ELOVL7: variants seen among roughly 807,000 people sequenced by gnomAD.
The protein encoded by ELOVL7 is ELOVL fatty acid elongase 7.
A neutral mutation model predicts 35.7 loss-of-function variants in ELOVL7; 27 were observed. The observed-to-expected ratio is 0.76, with a 90% CI of 0.56 to 1.04. The LOEUF (loss-of-function observed/expected upper bound fraction) is 1.04. ELOVL7 is among the 50% of genes least tolerant of loss of function. ELOVL7 has a pLI of 0.00. For missense variants in ELOVL7, 327 were observed against 340.8 expected (o/e 0.96, Z 0.32); for synonymous variants, 113 against 114.6 (o/e 0.99, Z 0.09).
At chr5:60,756,287 A>T (rs1741536610) in intron 8 of ELOVL7, among the ~76,000 whole-genome samples, 1 of 152,186 alleles carries the variant, frequency 6.6e-6, no homozygotes, top group Admixed American at 6.5e-5. Context: ...CTATACAAAA[A>T]ATGTAAAAGG....
intron 3 of ELOVL7, among the ~76,000 whole-genome samples, chr5:60,777,653 G>A (rs749723089): frequency 2.6e-5 from 4 of 152,180 alleles, no homozygotes; most frequent in African/African-American, 9.7e-5. Context: ...ATTGGCTTAG[G>A]CTAAGTGGGT....
At chr5:60,819,340 G>A (rs1425709056) in intron 1 of ELOVL7, among the ~76,000 whole-genome samples, 2 of 152,030 alleles carry the variant, frequency 1.3e-5, no homozygotes, top group African/African-American at 4.8e-5. Flanking sequence ...TGGATGAGAT[G>A]GACAATGTAC....
At chr5:60,838,411 A>G (rs1279759168) in intron 1 of ELOVL7, among the ~76,000 whole-genome samples, 1 of 152,142 alleles carries the variant, frequency 6.6e-6, no homozygotes, top group East Asian at 1.9e-4. Flanking sequence ...AGCACAGTTT[A>G]TCATACTGAA....
At chr5:60,786,912 T>C (rs1428685707) in intron 3 of ELOVL7, among the ~76,000 whole-genome samples, 2 of 151,154 alleles carry the variant, frequency 1.3e-5, no homozygotes, top group Non-Finnish European at 2.9e-5. Context: ...TGAGCCGAGA[T>C]TGCACCACTG....
At chr5:60,787,156 G>A (rs1469910523) in intron 3 of ELOVL7, among the ~76,000 whole-genome samples, 178 bp downstream of exon 3, 1 of 152,096 alleles carries the variant, frequency 6.6e-6, no homozygotes, top group Non-Finnish European at 1.5e-5. Context: ...GAACATCTGT[G>A]TAGCTCCATC....
intron 3 of ELOVL7, among the ~76,000 whole-genome samples, chr5:60,778,785 A>T (rs970733996): frequency 1.3e-5 from 2 of 152,186 alleles, no homozygotes; most frequent in Admixed American, 1.3e-4. Context: ...AATCCCCAAA[A>T]GTCTTAATGC....
chr5:60,784,240 A>T, intron 3 of ELOVL7: 1 of 873,906 alleles, frequency 1.1e-6, no homozygotes, highest in Non-Finnish European at 1.7e-6. Flanking sequence ...CATGTACCTT[A>T]AGTACTTTTT....
intron 4 of ELOVL7, among the ~76,000 whole-genome samples, chr5:60,770,981 T>C (rs781523156): frequency 5.9e-5 from 9 of 152,172 alleles, no homozygotes; most frequent in Non-Finnish European, 1.2e-4. Context: ...ATTACAGGTG[T>C]AGGCCACCAC....
intron 1 of ELOVL7, among the ~76,000 whole-genome samples, chr5:60,821,062 T>G (rs1287775371): frequency 1.5e-4 from 23 of 152,196 alleles, no homozygotes; most frequent in Admixed American, 1.4e-3. Context: ...ACTTCCGTCT[T>G]TGTGTGGCCA....
At chr5:60,806,192 A>G (rs1436652525) in intron 1 of ELOVL7, among the ~76,000 whole-genome samples, 1 of 152,222 alleles carries the variant, frequency 6.6e-6, no homozygotes, top group Non-Finnish European at 1.5e-5. Flanking sequence ...GCCCTCAGAG[A>G]GAACCAACCC....
chr5:60,834,775 G>A (rs144133227), intron 1 of ELOVL7, among the ~76,000 whole-genome samples: 213 of 152,230 alleles, frequency 1.4e-3, no homozygotes, highest in African/African-American at 5.0e-3. Flanking sequence ...ATTCTGACTA[G>A]TTTTGGTTAG....
chr5:60,814,027 A>T (rs1433979172), intron 1 of ELOVL7, among the ~76,000 whole-genome samples: 1 of 152,180 alleles, frequency 6.6e-6, no homozygotes. Context: ...ACATTAACCA[A>T]GAGATTCAAA....
At chr5:60,784,182 T>C in intron 3 of ELOVL7, 1 of 1,473,828 alleles carries the variant, frequency 6.8e-7, no homozygotes, top group South Asian at 1.3e-5. Context: ...AGTACATCTT[T>C]AAGATTCCAA....
intron 2 of ELOVL7, among the ~76,000 whole-genome samples, chr5:60,797,385 T>G (rs1744326631): frequency 6.6e-6 from 1 of 152,232 alleles, no homozygotes; most frequent in Non-Finnish European, 1.5e-5. Context: ...TTGAATAGGT[T>G]GTTCACACTG....
chr5:60,818,624 G>C (rs913170870), intron 1 of ELOVL7, among the ~76,000 whole-genome samples: 2 of 152,134 alleles, frequency 1.3e-5, no homozygotes, highest in African/African-American at 4.8e-5. Flanking sequence ...TACGGGGCTT[G>C]AAGCTATAGC....
At chr5:60,804,720 T>A (rs1307000691) in intron 1 of ELOVL7, among the ~76,000 whole-genome samples, 1 of 152,186 alleles carries the variant, frequency 6.6e-6, no homozygotes, top group Non-Finnish European at 1.5e-5. Context: ...TTAAAGATGT[T>A]GTAAACTCAG....
At chr5:60,828,189 C>T (rs1345431549) in intron 1 of ELOVL7, among the ~76,000 whole-genome samples, 3 of 152,090 alleles carry the variant, frequency 2.0e-5, no homozygotes, top group Non-Finnish European at 4.4e-5. Context: ...CCTTTGACCC[C>T]TCACCCTCAC....
At chr5:60,760,649 T>A (rs1363892469) in intron 7 of ELOVL7, among the ~76,000 whole-genome samples, 1 of 152,210 alleles carries the variant, frequency 6.6e-6, no homozygotes, top group Non-Finnish European at 1.5e-5. Context: ...TTTAATTACA[T>A]CCCATTTGTC....
chr5:60,757,256 G>T (rs1741595667), intron 8 of ELOVL7, among the ~76,000 whole-genome samples: 1 of 152,004 alleles, frequency 6.6e-6, no homozygotes. Context: ...AATCACAAAT[G>T]TATTTATTCT....
Sources: allele counts gnomAD v4.1 joint callset (sites outside exome capture counted in the v4.1 genomes callset), GRCh38; gene constraint gnomAD v4.1.1; transcripts MANE v1.5; gene names NCBI Gene and HGNC (gene_info 2026-07-23, HGNC 2026-07-21).